ZNF236: variants seen among roughly 807,000 people sequenced by gnomAD.
ZNF236 encodes the protein zinc finger protein 236.
In ZNF236, 50 loss-of-function variants were observed where a neutral mutation model predicts 191.2. The ratio of observed to expected loss-of-function variants is 0.26; its 90% CI spans 0.21 to 0.33. The LOEUF (loss-of-function observed/expected upper bound fraction) is 0.33, where lower values mean the gene tolerates loss of function less well. Ranked by LOEUF, ZNF236 falls within the 10% of genes least tolerant of loss-of-function variation. The pLI is 1.00. For synonymous variants in ZNF236, 907 were observed against 928.8 expected, an observed-to-expected ratio of 0.98 and a Z score of 0.43; for missense variants, 1,754 against 2,374.5, an observed-to-expected ratio of 0.74 and a Z score of 5.43.
intron 27 of ZNF236, among the ~76,000 whole-genome samples, chr18:76,954,827 C>T (rs999205374): frequency 7.9e-5 from 12 of 152,220 alleles, no homozygotes; most frequent in Admixed American, 3.9e-4. Flanking sequence ...CCCTGCACAT[C>T]TCACGAGGCT....
At chr18:76,959,880 CAT>C in intron 29 of ZNF236, 64 bp downstream of exon 29, 1 of 1,552,646 alleles carries the variant, frequency 6.4e-7, no homozygotes, top group Non-Finnish European at 8.8e-7. Context: ...GGTGAGAAAA[CAT>C]AATTCCACCT....
chr18:76,858,037 T>C (rs1056664177), intron 3 of ZNF236, among the ~76,000 whole-genome samples: 1 of 152,098 alleles, frequency 6.6e-6, no homozygotes, highest in South Asian at 2.1e-4. Context: ...TTGTGTTACG[T>C]GCCTGTAGGA....
At chr18:76,901,399 T>C (rs1046952328) in intron 11 of ZNF236, among the ~76,000 whole-genome samples, 2 of 152,306 alleles carry the variant, frequency 1.3e-5, no homozygotes, top group Non-Finnish European at 2.9e-5. Context: ...GAATTGACTG[T>C]AGAAGAAATA....
chr18:76,955,829 G>T (rs988183552), intron 27 of ZNF236, among the ~76,000 whole-genome samples, 156 bp from the exon 28 acceptor site: 4 of 152,180 alleles, frequency 2.6e-5, no homozygotes, highest in African/African-American at 4.8e-5. Context: ...TGTGGAAGGC[G>T]CCTCTGGCTA....
At chr18:76,863,403 G>A (rs764211588) in intron 3 of ZNF236, among the ~76,000 whole-genome samples, 2 of 152,040 alleles carry the variant, frequency 1.3e-5, no homozygotes, top group South Asian at 2.1e-4. Flanking sequence ...ATAATGAAAC[G>A]TTTGAAAACT....
At chr18:76,898,344 T>C (rs1226857081) in intron 10 of ZNF236, among the ~76,000 whole-genome samples, 2 of 152,348 alleles carry the variant, frequency 1.3e-5, no homozygotes, top group Non-Finnish European at 2.9e-5. Flanking sequence ...CTGTACTCAT[T>C]GGCAATATCC....
At position 76,875,473 on chromosome 18, in the gene ZNF236, C is replaced by A. The variant is rs1270074780; in HGVS notation, c.668-19C>A. 2.0e-6 allele frequency: 3 copies of A among 1,482,398 alleles called. No homozygotes were observed. The South Asian group carries it at 4.2e-5, about 21-fold the overall frequency. The allele number at this position is 1,482,398 out of a possible 1,614,324, so 91.8% of individuals were successfully genotyped here. ...ATACAATATGGAATTATATTTTGAT[C>A]ATTTTTCTCCCACTCTAGGTGAAAG... On this transcript the variant is annotated intron_variant, in intron 5 of 30. Coordinates refer to ENST00000320610, the MANE Select transcript of ZNF236 (RefSeq NM_001306089.2). This position sits in a 1 kb window ranked among gnomAD's most constrained non-coding sequence, Gnocchi z 4.3.
At chr18:76,921,589 C>T (rs1416395974) in intron 20 of ZNF236, among the ~76,000 whole-genome samples, 1 of 152,012 alleles carries the variant, frequency 6.6e-6, no homozygotes, top group African/African-American at 2.4e-5. Flanking sequence ...GCAAGGGTGT[C>T]ACATGGAGGT....
chr18:76,959,631 C>A, intron 28 of ZNF236, 56 bp from the exon 29 acceptor site: 1 of 1,545,450 alleles, frequency 6.5e-7, no homozygotes, highest in Non-Finnish European at 8.7e-7. Flanking sequence ...CCTCTTGTTT[C>A]TAGTCTCGAA....
intron 9 of ZNF236, 133 bp from the exon 10 acceptor site, chr18:76,894,880 A>T: frequency 8.3e-7 from 1 of 1,209,508 alleles, no homozygotes; most frequent in Non-Finnish European, 1.2e-6. Flanking sequence ...CGATAATGTC[A>T]GTGATCCTGG....
At chr18:76,850,824 A>G (rs1975838215) in intron 2 of ZNF236, among the ~76,000 whole-genome samples, 1 of 151,782 alleles carries the variant, frequency 6.6e-6, no homozygotes, top group Non-Finnish European at 1.5e-5. Context: ...GCTGGTCTCG[A>G]ACTCCTGACC....
intron 1 of ZNF236, among the ~76,000 whole-genome samples, chr18:76,832,434 A>C (rs1975197168): frequency 6.6e-6 from 1 of 151,430 alleles, no homozygotes; most frequent in Non-Finnish European, 1.5e-5. Context: ...GAAGAGGGAA[A>C]GGTCAGGATT....
chr18:76,853,084 GT>G (rs56094232), intron 3 of ZNF236, among the ~76,000 whole-genome samples: 16 of 144,664 alleles, frequency 1.1e-4, no homozygotes, highest in East Asian at 2.0e-4. Context: ...TCTGTTTTTT[GT>G]TTTTTTTTTT....
intron 13 of ZNF236, among the ~76,000 whole-genome samples, chr18:76,908,042 G>A (rs1483202998): frequency 6.6e-6 from 1 of 152,108 alleles, no homozygotes; most frequent in African/African-American, 2.4e-5. Flanking sequence ...TCTTTTTAAT[G>A]TTTTTAAACT....
chr18:76,956,421 A>G (rs1968527202), intron 28 of ZNF236, among the ~76,000 whole-genome samples: 1 of 152,238 alleles, frequency 6.6e-6, no homozygotes, highest in Non-Finnish European at 1.5e-5. Context: ...CTGAAATAAC[A>G]TTGAAATGCC....
At chr18:76,908,923 T>G (rs1967133157) in intron 14 of ZNF236, among the ~76,000 whole-genome samples, 1 of 151,980 alleles carries the variant, frequency 6.6e-6, no homozygotes, top group Admixed American at 6.6e-5. Context: ...ACCAATTTTT[T>G]TCCATACAAA....
intron 3 of ZNF236, among the ~76,000 whole-genome samples, chr18:76,861,387 C>T (rs891113716): frequency 6.6e-5 from 10 of 152,148 alleles, no homozygotes; most frequent in Non-Finnish European, 1.5e-4. Flanking sequence ...CTGGAAGATG[C>T]ATTTCAGTCC....
At chr18:76,825,902 C>T (rs1323233478) in intron 1 of ZNF236, among the ~76,000 whole-genome samples, 2 of 152,118 alleles carry the variant, frequency 1.3e-5, no homozygotes, top group East Asian at 3.9e-4. Context: ...TGAGCCACTG[C>T]TTCCAGCTGA....
At chr18:76,844,117 G>A (rs968870057) in intron 1 of ZNF236, among the ~76,000 whole-genome samples, 14 of 151,912 alleles carry the variant, frequency 9.2e-5, no homozygotes, top group African/African-American at 3.4e-4. Flanking sequence ...GCACATGCCT[G>A]TAATCCCAGC....
Sources: gnomAD v4.1 joint callset for allele counts (sites outside exome capture counted in the v4.1 genomes callset) on GRCh38, gnomAD v4.1.1 for gene constraint, Gnocchi (gnomAD v3.1) non-coding constraint, MANE v1.5 for transcripts, NCBI Gene and HGNC (gene_info 2026-07-23, HGNC 2026-07-21) for gene names.